Variants in KLHL1 observed in about 807,000 individuals in gnomAD.
KLHL1 encodes the protein kelch like family member 1, also known as kelch-like protein 1.
Under a neutral mutation model 77.7 loss-of-function variants are expected in KLHL1, and 47 were observed. The ratio of observed to expected loss-of-function variants is 0.60; its 90% CI spans 0.48 to 0.77. KLHL1 has a LOEUF of 0.77. Ranked by LOEUF, KLHL1 falls within the 30% of genes least tolerant of loss-of-function variation. The pLI, the probability that KLHL1 is intolerant of heterozygous loss-of-function variation, is 0.00. For missense variants in KLHL1, 925 were observed against 910.8 expected (o/e 1.02, Z -0.20); for synonymous variants, 360 against 325.2 (o/e 1.11, Z -1.15).
chr13:69,752,090 T>C (rs1248449792), intron 7 of KLHL1, among the ~76,000 whole-genome samples: 1 of 152,132 alleles, frequency 6.6e-6, no homozygotes, highest in Non-Finnish European at 1.5e-5. Flanking sequence ...GTTACAAGGA[T>C]TTAATGAAGC....
intron 1 of KLHL1, among the ~76,000 whole-genome samples, chr13:70,059,501 G>A (rs1886825407): frequency 6.6e-6 from 1 of 152,082 alleles, no homozygotes; most frequent in Non-Finnish European, 1.5e-5. Flanking sequence ...TACCTCATAA[G>A]CACAGGAAAT....
In KLHL1 at chr13:70,022,975, G is replaced by T. The variant is rs556908744; in HGVS notation, c.498-47173C>A. On this transcript the variant is annotated intron_variant, in intron 1 of 10. Transcript: ENST00000377844. Reference sequence around the variant, plus strand: ...CATGAGTTATTTATGTTGAAGTTTCGATCATGTCTTCCATATGCATAACAC... The same window carrying T: ...CATGAGTTATTTATGTTGAAGTTTCTATCATGTCTTCCATATGCATAACAC... Among the ~76,000 whole-genome samples, 6 of 151,934 alleles carry T rather than the reference G, an allele frequency of 3.9e-5. 1 individual carries two copies. Among genetic ancestry groups the T allele is most frequent in the Non-Finnish European group, 7.4e-5 (5 of 67,830 alleles).
chr13:69,887,877 C>T (rs938375166), intron 4 of KLHL1, among the ~76,000 whole-genome samples: 2 of 152,118 alleles, frequency 1.3e-5, no homozygotes, highest in African/African-American at 4.8e-5. Context: ...AAAATTCCTC[C>T]AGCCATTATT....
chr13:69,950,593 T>C (rs1050697130), intron 3 of KLHL1, among the ~76,000 whole-genome samples: 1 of 151,610 alleles, frequency 6.6e-6, no homozygotes, highest in African/African-American at 2.4e-5. Context: ...GATTAACTCA[T>C]GGTCGTAGAA....
intron 7 of KLHL1, among the ~76,000 whole-genome samples, chr13:69,776,898 C>G (rs548357474): frequency 5.2e-4 from 79 of 152,184 alleles, no homozygotes; most frequent in African/African-American, 1.8e-3. Flanking sequence ...AATCAAATCT[C>G]AAAGCTTTTT....
intron 1 of KLHL1, among the ~76,000 whole-genome samples, chr13:70,015,646 A>G (rs1395159644): frequency 6.6e-6 from 1 of 151,144 alleles, no homozygotes; most frequent in Non-Finnish European, 1.5e-5. Context: ...AAAAGGCTTT[A>G]TGCTGGATGA....
At chr13:69,959,668 TC>T (rs71116966) in intron 3 of KLHL1, among the ~76,000 whole-genome samples, 82,094 of 149,700 alleles carry the variant, frequency 0.55, 22,977 homozygotes, top group Non-Finnish European at 0.61. Flanking sequence ...CTTTTTTTTT[TC>T]CCCCCAAAGG....
chr13:69,964,988 G>A (rs1049488842), intron 2 of KLHL1, among the ~76,000 whole-genome samples: 8 of 152,066 alleles, frequency 5.3e-5, no homozygotes, highest in African/African-American at 1.9e-4. Context: ...GCTAAGAAGG[G>A]AGCTGGCCTT....
chr13:70,085,223 C>T (rs953298246), intron 1 of KLHL1, among the ~76,000 whole-genome samples: 2 of 151,706 alleles, frequency 1.3e-5, no homozygotes, highest in Non-Finnish European at 2.9e-5. Context: ...CAGAAAGAGA[C>T]AGAGAGAGAG....
intron 1 of KLHL1, among the ~76,000 whole-genome samples, chr13:70,091,460 G>A (rs1038522653): frequency 6.6e-6 from 1 of 151,770 alleles, no homozygotes; most frequent in Admixed American, 6.6e-5. Context: ...CATCTACCTG[G>A]GACCGGCCAT....
At chr13:69,839,227 A>ATTCCTT in intron 5 of KLHL1, 65 bp from the exon 6 acceptor site, 1 of 1,151,406 alleles carries the variant, frequency 8.7e-7, no homozygotes, top group Non-Finnish European at 1.2e-6. Context: ...GTCATTCCTT[A>ATTCCTT]AAACTAGAAG....
At chr13:70,012,127 C>T (rs746604801) in intron 1 of KLHL1, among the ~76,000 whole-genome samples, 6 of 152,094 alleles carry the variant, frequency 3.9e-5, no homozygotes, top group African/African-American at 7.2e-5. Context: ...TCCCACAACA[C>T]GTAGAAATTA....
At chr13:69,770,750 T>C (rs1319127720) in intron 7 of KLHL1, among the ~76,000 whole-genome samples, 1 of 152,150 alleles carries the variant, frequency 6.6e-6, no homozygotes, top group Non-Finnish European at 1.5e-5. Context: ...ATTCTATTTA[T>C]TACTACTATT....
intron 1 of KLHL1, among the ~76,000 whole-genome samples, chr13:70,013,372 G>A (rs999728000): frequency 5.3e-5 from 8 of 152,310 alleles, no homozygotes; most frequent in Admixed American, 4.6e-4. Flanking sequence ...CTGCAGAGGA[G>A]TTTTTCCATA....
At chr13:70,006,691 G>T (rs749645745) in intron 1 of KLHL1, among the ~76,000 whole-genome samples, 11 of 151,632 alleles carry the variant, frequency 7.3e-5, no homozygotes, top group Non-Finnish European at 1.3e-4. Context: ...ACATGTCGGG[G>T]TTATTACCAG....
chr13:70,101,396 G>T (rs7332111), intron 1 of KLHL1, among the ~76,000 whole-genome samples: 57,323 of 151,506 alleles, frequency 0.38, 11,530 homozygotes, highest in South Asian at 0.54. Flanking sequence ...TGGAGTTTTG[G>T]GTACCTGAAA....
chr13:69,709,395 GTAAC>G (rs1483476829), intron 9 of KLHL1, among the ~76,000 whole-genome samples: 9 of 152,038 alleles, frequency 5.9e-5, no homozygotes, highest in African/African-American at 1.9e-4. Flanking sequence ...ATTTTATAAA[GTAAC>G]TGACTGAATA....
intron 1 of KLHL1, among the ~76,000 whole-genome samples, chr13:70,027,648 AGTT>A (rs1885983833): frequency 7.2e-5 from 1 of 13,890 alleles, no homozygotes; most frequent in African/African-American, 1.5e-4. Flanking sequence ...GCAAAATGTA[AGTT>A]GTTTTTTTTT....
chr13:69,885,801 G>A (rs1194878561), intron 4 of KLHL1, among the ~76,000 whole-genome samples: 4 of 152,076 alleles, frequency 2.6e-5, no homozygotes, highest in African/African-American at 9.7e-5. Context: ...AAAAAAGCTC[G>A]CCATATGGGA....
Sources: gnomAD v4.1 joint callset for allele counts (sites outside exome capture counted in the v4.1 genomes callset) on GRCh38, gnomAD v4.1.1 for gene constraint, MANE v1.5 for transcripts, NCBI Gene and HGNC (gene_info 2026-07-23, HGNC 2026-07-21) for gene names.